The following CBFA2T3 variants were observed in gnomAD, a reference collection of about 807,000 sequenced individuals.
CBFA2T3 encodes the protein CBFA2/RUNX1 partner transcriptional co-repressor 3.
CBFA2T3 carries 31 observed loss-of-function variants against 58.6 expected under a neutral mutation model. The ratio of observed to expected loss-of-function variants is 0.53; its 90% confidence interval spans 0.40 to 0.71. The LOEUF is 0.71. Among genes scored for constraint, CBFA2T3 ranks in the 30% least tolerant of loss-of-function variants. The pLI is 0.00. For synonymous variants in CBFA2T3, 531 were observed against 421.9 expected, an observed-to-expected ratio of 1.26 and a Z score of -3.17; for missense variants, 1,076 against 963.1, an observed-to-expected ratio of 1.12 and a Z score of -1.55.
At chr16:88,943,740 G>A (rs1037103193) in intron 1 of CBFA2T3, among the ~76,000 whole-genome samples, 2 of 152,180 alleles carry the variant, frequency 1.3e-5, no homozygotes, top group African/African-American at 2.4e-5. Flanking sequence ...CAGCCACACC[G>A]ACTTCCTGCT....
intron 5 of CBFA2T3, among the ~76,000 whole-genome samples, chr16:88,890,279 G>C (rs761941266): frequency 6.6e-6 from 1 of 152,218 alleles, no homozygotes; most frequent in Non-Finnish European, 1.5e-5. Context: ...CCATTTTGCA[G>C]ATACAGAAAC....
chr16:88,952,166 T>A (rs77077068), intron 1 of CBFA2T3, among the ~76,000 whole-genome samples: 5,279 of 151,926 alleles, frequency 0.035, 319 homozygotes, highest in African/African-American at 0.12. Context: ...AGAGACTAAT[T>A]TTTATCAGCC....
chr16:88,942,210 G>T (rs1169855658), intron 1 of CBFA2T3, among the ~76,000 whole-genome samples: 2 of 152,174 alleles, frequency 1.3e-5, no homozygotes, highest in Non-Finnish European at 2.9e-5. Context: ...TTTCCCTAAA[G>T]TACTTTGTGG....
rs556658302 is a variant in CBFA2T3, at chr16:88,903,395, G to T, written c.152-1739C>A. The stretch of plus-strand genomic sequence containing the variant: ...CCCCTCTGCTGGGCCTGTGGGGAGT[G>T]GTGGGGGGAGGAAGCAGCCAGTAAA... On this transcript the variant is annotated intron_variant, in intron 1 of 11. Coordinates refer to ENST00000268679, the MANE Select transcript of CBFA2T3 (RefSeq NM_005187.6). Among the ~76,000 whole-genome samples, 819 of 152,264 alleles carry T rather than the reference G, an allele frequency of 5.4e-3. 8 individuals carry two copies. Among genetic ancestry groups the T allele is most frequent in the African/African-American group, 0.019 (792 of 41,548 alleles).
chr16:88,914,870 G>A (rs966602641), intron 1 of CBFA2T3, among the ~76,000 whole-genome samples: 30 of 152,334 alleles, frequency 2.0e-4, no homozygotes, highest in African/African-American at 6.3e-4. Flanking sequence ...CGCACACAAA[G>A]GAAGCACATT....
intron 2 of CBFA2T3, among the ~76,000 whole-genome samples, chr16:88,900,582 G>C (rs1397569653): frequency 6.6e-6 from 1 of 152,200 alleles, no homozygotes; most frequent in Non-Finnish European, 1.5e-5. Flanking sequence ...CGCCCAGAGA[G>C]GGGCTTCGTT....
At position 88,916,396 on chromosome 16, in the gene CBFA2T3, A is replaced by G. The variant is rs375513413; in HGVS notation, c.152-14740T>C. Among the ~76,000 whole-genome samples the G allele has an allele frequency of 4.6e-5, 7 of 151,424 alleles. No homozygotes were observed. The South Asian group carries it at 1.5e-3, about 32-fold the overall frequency. ...CACATACATGGGGGTGTATGTATTCATATGCGTATTCATGCGTGTGCATGG... is the reference window on the plus strand; with the variant it reads ...CACATACATGGGGGTGTATGTATTCGTATGCGTATTCATGCGTGTGCATGG... On this transcript the variant is annotated intron_variant, in intron 1 of 11. Coordinates refer to ENST00000268679, the MANE Select transcript of CBFA2T3 (RefSeq NM_005187.6).
intron 1 of CBFA2T3, among the ~76,000 whole-genome samples, chr16:88,948,952 G>A (rs1215886278): frequency 6.6e-6 from 1 of 152,184 alleles, no homozygotes; most frequent in Non-Finnish European, 1.5e-5. Flanking sequence ...GGATTGAGGT[G>A]GCATTTAAAA....
In CBFA2T3 at chr16:88,874,868, GTTT is replaced by G. The variant is rs1306821929; in HGVS notation, c.*2105_*2107del. On this transcript the variant is annotated 3_prime_UTR_variant, in exon 12 of 12. Transcript: ENST00000268679. ...CACTTCGCAAACTCCTGCGGTTTCT[GTTT>G]TTTATTTGGCAAACATCTCGTTTAT... is the stretch of plus-strand genomic sequence containing the variant. The G allele has an allele frequency of 8.7e-6, 2 of 229,868 alleles. No homozygotes were observed. Among genetic ancestry groups the G allele is most frequent in the Non-Finnish European group, 1.7e-5 (2 of 115,792 alleles). The allele number at this position is 229,868 out of a possible 1,614,324, so 14.2% of individuals were successfully genotyped here. A position where few individuals can be genotyped will look rare whatever the true frequency, so the allele number is the denominator to read the frequency against.
chr16:88,952,351 G>A (rs1567631631), intron 1 of CBFA2T3, among the ~76,000 whole-genome samples: 1 of 151,982 alleles, frequency 6.6e-6, no homozygotes, highest in Non-Finnish European at 1.5e-5. Context: ...ACGGCTTTCA[G>A]CAAGACAAAT....
intron 11 of CBFA2T3, among the ~76,000 whole-genome samples, chr16:88,878,401 T>C (rs953047861): frequency 7.9e-5 from 12 of 152,192 alleles, no homozygotes; most frequent in African/African-American, 1.4e-4. Flanking sequence ...GGGCTTCAGA[T>C]AGAGATCCGC....
In CBFA2T3 at chr16:88,920,765, T is replaced by A. The variant is rs560588948; in HGVS notation, c.152-19109A>T. On this transcript the variant is annotated intron_variant, in intron 1 of 11. Coordinates refer to ENST00000268679, the MANE Select transcript of CBFA2T3 (RefSeq NM_005187.6). ...TGCTCCTGGATTCTGCCAGGAGGAC[T>A]GGGTCCCCAGCCCCTCCCTGCCCTG... Among the ~76,000 whole-genome samples, 895 of 152,312 alleles carry A rather than the reference T, an allele frequency of 5.9e-3. 4 individuals carry two copies. Among genetic ancestry groups the A allele is most frequent in the Non-Finnish European group, 8.7e-3 (590 of 68,004 alleles).
At chr16:88,914,504 C>T (rs8046945) in intron 1 of CBFA2T3, among the ~76,000 whole-genome samples, 42 of 152,354 alleles carry the variant, frequency 2.8e-4, no homozygotes, top group African/African-American at 8.7e-4. Context: ...AATAAAAACA[C>T]GCACAGAAAG....
chr16:88,911,330 G>C (rs899857343), intron 1 of CBFA2T3, among the ~76,000 whole-genome samples: 11 of 152,382 alleles, frequency 7.2e-5, no homozygotes, highest in Middle Eastern at 6.8e-3. Context: ...GCGCCGCTGT[G>C]TGAACTGACT....
At chr16:88,933,114 G>GTGCA (rs947543866) in intron 1 of CBFA2T3, among the ~76,000 whole-genome samples, 6 of 152,372 alleles carry the variant, frequency 3.9e-5, no homozygotes, top group Admixed American at 2.6e-4. Context: ...GGCCCTCAGT[G>GTGCA]TGCAAGTCAC....
chr16:88,976,211 G>T lies in CBFA2T3; in HGVS notation c.151+446C>A, dbSNP rs548435298. On this transcript the variant is annotated intron_variant, in intron 1 of 11. Coordinates refer to ENST00000268679, the MANE Select transcript of CBFA2T3 (RefSeq NM_005187.6). ...TTGGGTCCATTTCCTCCTCACCGGG[G>T]TCTTGGGCCAGTGCCCTCCCCTCTG... 3.9e-5 allele frequency among the ~76,000 whole-genome samples: 6 copies of T among 152,330 alleles called. No individual in the cohort carries two copies. In the South Asian group the frequency reaches 6.2e-4, roughly 16 times the overall value.
intron 1 of CBFA2T3, among the ~76,000 whole-genome samples, chr16:88,915,140 A>G (rs1307771687): frequency 6.8e-6 from 1 of 148,016 alleles, no homozygotes; most frequent in African/African-American, 2.5e-5. Flanking sequence ...GCCGAATTGC[A>G]GACAAGCAAG....
At chr16:88,937,592 C>A (rs574226313) in intron 1 of CBFA2T3, 1 of 152,292 alleles carries the variant, frequency 6.6e-6, no homozygotes, top group African/African-American at 2.4e-5. Flanking sequence ...CCACCCGCGT[C>A]GGGCTCCTGC....
intron 1 of CBFA2T3, among the ~76,000 whole-genome samples, chr16:88,928,323 C>G (rs1290818496): frequency 6.6e-6 from 1 of 152,222 alleles, no homozygotes; most frequent in Non-Finnish European, 1.5e-5. Flanking sequence ...ACTCCCTGGC[C>G]TTGGGGGCCG....
Sources: allele counts gnomAD v4.1 joint callset (sites outside exome capture counted in the v4.1 genomes callset), GRCh38; gene constraint gnomAD v4.1.1; transcripts MANE v1.5; gene names NCBI Gene and HGNC (gene_info 2026-07-23, HGNC 2026-07-21).